Variants in ELAPOR2 observed in about 807,000 individuals in gnomAD.
ELAPOR2 encodes endosome/lysosome-associated apoptosis and autophagy regulator family member 2.
ELAPOR2 carries 89 observed loss-of-function variants against 120.7 expected under a neutral mutation model. The observed-to-expected ratio is 0.74, with a 90% confidence interval of 0.62 to 0.88. ELAPOR2 has a LOEUF of 0.88. Ranked by LOEUF, ELAPOR2 falls within the 40% of genes least tolerant of loss-of-function variation. The pLI, the probability that ELAPOR2 is intolerant of heterozygous loss-of-function variation, is 0.00. For synonymous variants in ELAPOR2, 444 were observed against 444.9 expected (o/e 1.00, Z 0.03); for missense variants, 1,134 against 1,251.6 (o/e 0.91, Z 1.42).
At chr7:86,893,710 A>C (rs921960163) in intron 19 of ELAPOR2, among the ~76,000 whole-genome samples, 2 of 151,972 alleles carry the variant, frequency 1.3e-5, no homozygotes, top group Non-Finnish European at 1.5e-5. Flanking sequence ...GGTCATCACT[A>C]CCCACACCAG....
intron 19 of ELAPOR2, among the ~76,000 whole-genome samples, chr7:86,896,823 C>A (rs1000227039): frequency 6.6e-6 from 1 of 151,974 alleles, no homozygotes; most frequent in Non-Finnish European, 1.5e-5. Flanking sequence ...ATGTATCAAG[C>A]CTTAAAAATA....
rs1484757207 is a variant in ELAPOR2, at chr7:86,877,643, AC to A, written c.*2827del. ...CCACAGGAAGTAGTTCTATTGACAG[AC>A]ATCAAGTGAGAGTTGGCAAGATGGG... On this transcript the variant is annotated 3_prime_UTR_variant, in exon 22 of 22. Coordinates refer to ENST00000450689, the MANE Select transcript of ELAPOR2 (RefSeq NM_001142749.3). The A allele has an allele frequency of 6.6e-6, 1 of 152,182 alleles. No homozygotes were observed. The highest frequency in any genetic ancestry group is 1.5e-5 in the Non-Finnish European group (1 of 68,036). 9.4% of individuals were successfully genotyped at this position (152,182 alleles called of 1,614,324 possible). A position where few individuals can be genotyped will look rare whatever the true frequency, so the allele number is the denominator to read the frequency against.
At chr7:86,972,724 C>A (rs1792147810) in intron 1 of ELAPOR2, among the ~76,000 whole-genome samples, 1 of 151,560 alleles carries the variant, frequency 6.6e-6, no homozygotes, top group Non-Finnish European at 1.5e-5. Context: ...ACTGTCCTTT[C>A]CGCTTGAACC....
intron 10 of ELAPOR2, among the ~76,000 whole-genome samples, chr7:86,924,264 AG>A (rs1477996556): frequency 2.0e-5 from 3 of 152,030 alleles, no homozygotes; most frequent in African/African-American, 4.8e-5. Context: ...ATAGACTCTC[AG>A]TAAATGAGTA....
intron 1 of ELAPOR2, among the ~76,000 whole-genome samples, chr7:86,998,765 T>C (rs1430114592): frequency 6.6e-6 from 1 of 152,160 alleles, no homozygotes; most frequent in Non-Finnish European, 1.5e-5. Context: ...TTGCCATATA[T>C]GGCAATTCTG....
At chr7:86,904,369 G>A (rs929143613) in intron 18 of ELAPOR2, among the ~76,000 whole-genome samples, 1 of 152,170 alleles carries the variant, frequency 6.6e-6, no homozygotes, top group Non-Finnish European at 1.5e-5. Context: ...GGTTTGGGAA[G>A]CCTTTTAGGC....
At position 86,893,006 on chromosome 7, in the gene ELAPOR2, CA is replaced by C; in HGVS notation, c.2779del (p.Trp927GlyfsTer2). The C allele has an allele frequency of 6.3e-7, 1 of 1,584,600 alleles. No individual in the cohort carries two copies. The highest frequency in any genetic ancestry group is 1.9e-5 in the Admixed American group (1 of 52,886). ...KLATCETVDF[W>X]LKVGAGVGAF... ...TCCCACACCGGCTCCCACCTTCAGC[CA>C]AAAGTCAACCGTTTCACAGGTTGCC... On this transcript the variant is annotated frameshift_variant, in exon 20 of 22. Transcript: ENST00000450689. LOFTEE classifies it high-confidence loss of function.
chr7:86,925,570 A>C lies in ELAPOR2; in HGVS notation c.1357T>G (p.Ser453Ala), dbSNP rs774566678. 6.2e-7 allele frequency: 1 copy of C among 1,612,050 alleles called. No homozygotes were observed. Among genetic ancestry groups the C allele is most frequent in the Non-Finnish European group, 8.5e-7 (1 of 1,178,598 alleles). ...WNVLPGNMKT[S>A]CFNVGNSKCD... ...TTTGAATTCCCAACATTGAAGCAGG[A>C]AGTTTTCATGTTGCCAGGAAGGACA... The change falls in exon 10 of 22, where the codon TCC (serine) becomes GCC (alanine). Residue 453 changes from serine to alanine, a missense_variant. Around this residue, in one of 3 missense-constraint regions of ELAPOR2, gnomAD observed 831 missense variants for 867.6 expected, o/e 0.96. Transcript: ENST00000450689.
intron 8 of ELAPOR2, among the ~76,000 whole-genome samples, chr7:86,933,788 G>C (rs183235924): frequency 6.6e-6 from 1 of 151,834 alleles, no homozygotes. Flanking sequence ...CATGACCCTC[G>C]AATAAAGCTT....
intron 1 of ELAPOR2, among the ~76,000 whole-genome samples, chr7:86,981,752 A>G (rs1792498942): frequency 6.6e-6 from 1 of 152,212 alleles, no homozygotes; most frequent in African/African-American, 2.4e-5. Flanking sequence ...GACGCAGAAG[A>G]CGGGTGATTT....
chr7:86,983,984 G>A (rs1315440672), intron 1 of ELAPOR2, among the ~76,000 whole-genome samples: 1 of 152,176 alleles, frequency 6.6e-6, no homozygotes, highest in African/African-American at 2.4e-5. Context: ...ATAAAGGGAT[G>A]GAGGAAGATC....
intron 1 of ELAPOR2, among the ~76,000 whole-genome samples, chr7:86,990,850 C>T (rs1439649183): frequency 6.6e-6 from 1 of 152,180 alleles, no homozygotes; most frequent in East Asian, 1.9e-4. Flanking sequence ...GCAATACGCT[C>T]TCCAACTGCT....
In ELAPOR2 at chr7:86,908,558, A is replaced by T. The variant is rs752270213; in HGVS notation, c.2360-15T>A. The stretch of plus-strand genomic sequence containing the variant: ...AACTGTGACTCCTAGATGACATTTA[A>T]AAAGAAACTATTAAGCAATATGGAA... On this transcript the variant is annotated splice_polypyrimidine_tract_variant and intron_variant, in intron 16 of 21. Coordinates refer to ENST00000450689, the MANE Select transcript of ELAPOR2 (RefSeq NM_001142749.3). The T allele has an allele frequency of 1.6e-6, 2 of 1,212,332 alleles. No individual in the cohort carries two copies. Among genetic ancestry groups the T allele is most frequent in the Admixed American group, 4.4e-5 (2 of 45,150 alleles). The allele number at this position is 1,212,332 out of a possible 1,614,324, so 75.1% of individuals were successfully genotyped here. A position where few individuals can be genotyped will look rare whatever the true frequency, so the allele number is the denominator to read the frequency against.
At chr7:86,995,030 TG>T (rs927185125) in intron 1 of ELAPOR2, among the ~76,000 whole-genome samples, 1 of 152,226 alleles carries the variant, frequency 6.6e-6, no homozygotes, top group African/African-American at 2.4e-5. Context: ...GGCCCACAGA[TG>T]TCCTCAAGGA....
intron 8 of ELAPOR2, among the ~76,000 whole-genome samples, chr7:86,933,952 T>C (rs1306849143): frequency 2.0e-5 from 3 of 152,050 alleles, no homozygotes; most frequent in Non-Finnish European, 4.4e-5. Context: ...GTATATGTGC[T>C]TGTGTGCACC....
intron 2 of ELAPOR2, among the ~76,000 whole-genome samples, chr7:86,963,027 C>A (rs1047479245): frequency 1.3e-5 from 2 of 152,056 alleles, no homozygotes; most frequent in African/African-American, 4.8e-5. Flanking sequence ...AATTCCAGAG[C>A]AAATGTAAGT....
At chr7:86,990,403 A>G (rs1792905398) in intron 1 of ELAPOR2, among the ~76,000 whole-genome samples, 1 of 152,054 alleles carries the variant, frequency 6.6e-6, no homozygotes, top group Admixed American at 6.6e-5. Flanking sequence ...TGGCTCTATA[A>G]GAGGAGAGAC....
chr7:86,977,947 C>T (rs1185365229), intron 1 of ELAPOR2, among the ~76,000 whole-genome samples: 2 of 152,126 alleles, frequency 1.3e-5, no homozygotes, highest in Non-Finnish European at 2.9e-5. Context: ...TTTTCAATGG[C>T]ATTCTCTTTG....
intron 8 of ELAPOR2, 63 bp from the exon 9 acceptor site, chr7:86,926,979 T>TA: frequency 7.2e-7 from 1 of 1,386,524 alleles, no homozygotes; most frequent in Non-Finnish European, 9.4e-7. Context: ...ACAAAAATCT[T>TA]AAACTGGCAG....
Sources: allele counts gnomAD v4.1 joint callset (sites outside exome capture counted in the v4.1 genomes callset), GRCh38; gene constraint gnomAD v4.1.1; regional missense constraint gnomAD v4.1.1; transcripts MANE v1.5; gene names NCBI Gene and HGNC (gene_info 2026-07-23, HGNC 2026-07-21).